Variants in GUCY2C observed in about 807,000 individuals in gnomAD.
The protein encoded by GUCY2C is guanylate cyclase 2C.
In GUCY2C, 118 loss-of-function variants were observed where a neutral mutation model predicts 131.1. That is an observed-to-expected ratio of 0.90 (90% CI 0.78 to 1.05). The LOEUF (loss-of-function observed/expected upper bound fraction) is 1.05. Ranked by LOEUF, GUCY2C falls within the 50% of genes least tolerant of loss-of-function variation. The probability of loss-of-function intolerance (pLI) is 0.00; values close to 1 mark genes in which losing one functional copy is unlikely to be tolerated. For synonymous variants in GUCY2C, 452 were observed against 457.8 expected (o/e 0.99, Z 0.16); for missense variants, 1,161 against 1,304.4 (o/e 0.89, Z 1.69).
rs756938861 is a variant in GUCY2C at position 14,641,252 on chromosome 12, A to AG, written c.1931-34dup. 96 of 1,609,776 alleles carry AG rather than the reference A, an allele frequency of 6.0e-5. 1 individual carries two copies. In the South Asian group the frequency reaches 1.0e-3, roughly 17 times the overall value. On this transcript the variant is annotated intron_variant, in intron 17 of 26. Transcript: ENST00000261170. ...TGTAGACATTGAGATTACAAAGTTG[A>AG]GGGGGGTGAGTGGTTCATAGGCCTC...
chr12:14,616,687 C>G lies in GUCY2C; in HGVS notation c.2916G>C (p.Leu972=). ...IHVSGSTIAI[L]KRTECQFLYE... is the part of the protein sequence containing the mutation. The stretch of plus-strand genomic sequence containing the variant: ...AAAGGAACTGGCACTCAGTTCTCTT[C>G]AGGATGGCTATGGTGGAGCCACTCA... The change falls in exon 25 of 27, where the codon CTG becomes CTC. Residue 972 remains leucine (L), a synonymous_variant. Coordinates refer to ENST00000261170, the MANE Select transcript of GUCY2C (RefSeq NM_004963.4). The G allele has an allele frequency of 6.2e-7, 1 of 1,610,272 alleles. No homozygotes were observed. Among genetic ancestry groups the G allele is most frequent in the Non-Finnish European group, 8.5e-7 (1 of 1,176,612 alleles).
At chr12:14,671,802 A>C (rs1455804724) in intron 9 of GUCY2C, among the ~76,000 whole-genome samples, 1 of 152,244 alleles carries the variant, frequency 6.6e-6, no homozygotes, top group Non-Finnish European at 1.5e-5. Flanking sequence ...TACCTTTGTA[A>C]TCGCTATTAG....
At chr12:14,630,057 G>A (rs1331840978) in intron 19 of GUCY2C, among the ~76,000 whole-genome samples, 3 of 151,768 alleles carry the variant, frequency 2.0e-5, no homozygotes, top group Admixed American at 6.6e-5. Context: ...AGGGAGACAG[G>A]AGGAAGCCCA....
chr12:14,633,797 C>T (rs966683065), intron 19 of GUCY2C, among the ~76,000 whole-genome samples: 2 of 151,774 alleles, frequency 1.3e-5, no homozygotes, highest in African/African-American at 4.8e-5. Flanking sequence ...CAACAATATG[C>T]TAGATCAAGC....
chr12:14,627,975 C>T (rs1245296633), intron 20 of GUCY2C, among the ~76,000 whole-genome samples: 1 of 152,164 alleles, frequency 6.6e-6, no homozygotes, highest in Non-Finnish European at 1.5e-5. Flanking sequence ...TAAGAATCAT[C>T]TTGTTCAATC....
chr12:14,693,455 A>G (rs1565639564), intron 1 of GUCY2C, among the ~76,000 whole-genome samples: 1 of 152,184 alleles, frequency 6.6e-6, no homozygotes. Flanking sequence ...AAGACCCTCA[A>G]AGCTTTCCTG....
chr12:14,614,839 C>T (rs781375157), intron 26 of GUCY2C, 28 bp downstream of exon 26: 11 of 1,433,734 alleles, frequency 7.7e-6, no homozygotes, highest in Non-Finnish European at 9.6e-6. Context: ...TAATTTCCTC[C>T]CTGTCCCTGC....
chr12:14,614,842 G>C, intron 26 of GUCY2C, 25 bp downstream of exon 26: 2 of 1,459,178 alleles, frequency 1.4e-6, no homozygotes, highest in East Asian at 4.9e-5. Context: ...TTTCCTCCCT[G>C]TCCCTGCCAC....
intron 12 of GUCY2C, among the ~76,000 whole-genome samples, chr12:14,654,556 C>T (rs558642558): frequency 9.9e-5 from 15 of 152,172 alleles, no homozygotes; most frequent in African/African-American, 3.1e-4. Context: ...TCATTCATTC[C>T]GATGAACTAA....
At position 14,661,069 on chromosome 12, in the gene GUCY2C, C is replaced by A. The variant is rs115651685; in HGVS notation, c.1283-7G>T. On this transcript the variant is annotated splice_polypyrimidine_tract_variant and splice_region_variant and intron_variant, in intron 10 of 26. Coordinates refer to ENST00000261170, the MANE Select transcript of GUCY2C (RefSeq NM_004963.4). ...ATCATCAGGATCTGAGGGCCTGTGGCGGAAAATGCGTTAGGAAGGACCTTA... is the reference window on the plus strand; with the variant it reads ...ATCATCAGGATCTGAGGGCCTGTGGAGGAAAATGCGTTAGGAAGGACCTTA... 1.3e-6 allele frequency: 2 copies of A among 1,583,530 alleles called. No individual in the cohort carries two copies. The highest frequency in any genetic ancestry group is 1.7e-6 in the Non-Finnish European group (2 of 1,152,290).
intron 25 of GUCY2C, 130 bp from the exon 26 acceptor site, chr12:14,615,073 G>A: frequency 3.7e-6 from 2 of 537,858 alleles, no homozygotes. Flanking sequence ...CAATATTTAA[G>A]CACATCACAC....
At position 14,677,727 on chromosome 12, in the gene GUCY2C, C is replaced by T. The variant is rs553461510; in HGVS notation, c.831-756G>A. 5.5e-5 allele frequency among the ~76,000 whole-genome samples: 7 copies of T among 127,812 alleles called. No homozygotes were observed. The South Asian group carries it at 1.2e-3, about 21-fold the overall frequency. The allele number at this position is 127,812 out of a possible 152,430, so 83.8% of individuals were successfully genotyped here. A position where few individuals can be genotyped will look rare whatever the true frequency, so the allele number is the denominator to read the frequency against. On this transcript the variant is annotated intron_variant, in intron 6 of 26. Coordinates refer to ENST00000261170, the MANE Select transcript of GUCY2C (RefSeq NM_004963.4). ...CTGGGATTACAGGCGCCCACCACCA[C>T]GCCCAGCTATTTTTTTTTTTTTTTG...
intron 20 of GUCY2C, among the ~76,000 whole-genome samples, chr12:14,626,970 G>C (rs1947032411): frequency 6.6e-6 from 1 of 152,148 alleles, no homozygotes. Flanking sequence ...GCCAAGCTGA[G>C]CCTTAAATTA....
intron 3 of GUCY2C, among the ~76,000 whole-genome samples, chr12:14,684,341 G>C (rs761739497): frequency 6.6e-6 from 1 of 151,766 alleles, no homozygotes; most frequent in Non-Finnish European, 1.5e-5. Flanking sequence ...CTCTCCCTCT[G>C]CCTGGCTAGA....
intron 19 of GUCY2C, among the ~76,000 whole-genome samples, chr12:14,631,951 T>C (rs1449638164): frequency 6.7e-6 from 1 of 150,150 alleles, no homozygotes; most frequent in African/African-American, 2.4e-5. Context: ...TATCTCATTG[T>C]GGTTTTGATT....
At chr12:14,640,205 G>A (rs924276699) in intron 18 of GUCY2C, among the ~76,000 whole-genome samples, 1 of 152,116 alleles carries the variant, frequency 6.6e-6, no homozygotes, top group Non-Finnish European at 1.5e-5. Context: ...CCTCAAAGCT[G>A]TAATCCCAGC....
chr12:14,662,569 G>A (rs566506098), intron 10 of GUCY2C, among the ~76,000 whole-genome samples: 4 of 151,678 alleles, frequency 2.6e-5, no homozygotes, highest in South Asian at 4.2e-4. Flanking sequence ...CCAGCTATTC[G>A]GGAGGCTGAA....
rs952216811 is a variant in GUCY2C at position 14,613,594 on chromosome 12, G to A, written c.3048-303C>T. On this transcript the variant is annotated intron_variant, in intron 26 of 26. Transcript: ENST00000261170. This position sits in a 1 kb window ranked among gnomAD's most constrained non-coding sequence, Gnocchi z 4.9. ...GCAGGAAGGGGAAAAGAAGCTGGGAGGATGCTAGGCCCCTGCCACACAACC... is the reference window on the plus strand; with the variant it reads ...GCAGGAAGGGGAAAAGAAGCTGGGAAGATGCTAGGCCCCTGCCACACAACC... Among the ~76,000 whole-genome samples the A allele has an allele frequency of 6.6e-6, 1 of 152,116 alleles. No individual in the cohort carries two copies. Among genetic ancestry groups the A allele is most frequent in the African/African-American group, 2.4e-5 (1 of 41,434 alleles).
intron 21 of GUCY2C, among the ~76,000 whole-genome samples, chr12:14,622,544 C>T (rs1460094186): frequency 6.6e-6 from 1 of 152,114 alleles, no homozygotes; most frequent in Non-Finnish European, 1.5e-5. Context: ...GATAATCAAC[C>T]TCTTACAGAT....
Sources: gnomAD v4.1 joint callset for allele counts (sites outside exome capture counted in the v4.1 genomes callset) on GRCh38, gnomAD v4.1.1 for gene constraint, Gnocchi (gnomAD v3.1) non-coding constraint, MANE v1.5 for transcripts, NCBI Gene and HGNC (gene_info 2026-07-23, HGNC 2026-07-21) for gene names.